EML5: variants seen among roughly 807,000 people sequenced by gnomAD.
EML5 encodes EMAP like 5, also known as echinoderm microtubule-associated protein-like 5.
Under a neutral mutation model 250.0 loss-of-function variants are expected in EML5, and 120 were observed. The observed-to-expected ratio is 0.48, with a 90% CI of 0.41 to 0.56. EML5 has a LOEUF of 0.56. EML5 is among the 20% of genes least tolerant of loss of function. The pLI is 0.00. For synonymous variants in EML5, 771 were observed against 806.5 expected (o/e 0.96, Z 0.75); for missense variants, 2,006 against 2,437.6 (o/e 0.82, Z 3.73).
In EML5 at chr14:88,643,032, T is replaced by C; in HGVS notation, c.4108-10A>G. 1 of 1,563,634 alleles carries C rather than the reference T, an allele frequency of 6.4e-7. No individual in the cohort carries two copies. Among genetic ancestry groups the C allele is most frequent in the Non-Finnish European group, 8.6e-7 (1 of 1,164,596 alleles). ...GCTCCAACACAAGGTCCTATAATGATAATAATAAAACCATTATATTCTTCC... is the reference window on the plus strand; with the variant it reads ...GCTCCAACACAAGGTCCTATAATGACAATAATAAAACCATTATATTCTTCC... On this transcript the variant is annotated splice_polypyrimidine_tract_variant and intron_variant, in intron 30 of 43. Transcript: ENST00000554922.
chr14:88,670,163 C>CA (rs1417279175), intron 21 of EML5, among the ~76,000 whole-genome samples: 2 of 148,758 alleles, frequency 1.3e-5, no homozygotes, highest in African/African-American at 2.5e-5. Flanking sequence ...AAAAAAAAAA[C>CA]AAAAAAAATT....
intron 1 of EML5, among the ~76,000 whole-genome samples, chr14:88,786,051 T>C (rs2094548219): frequency 6.6e-6 from 1 of 152,200 alleles, no homozygotes; most frequent in Admixed American, 6.5e-5. Context: ...CTAACATTCT[T>C]ACTATTCCTC....
intron 1 of EML5, among the ~76,000 whole-genome samples, chr14:88,769,305 C>T (rs1180496330): frequency 6.6e-6 from 1 of 152,030 alleles, no homozygotes; most frequent in Non-Finnish European, 1.5e-5. Context: ...CATGAGATCT[C>T]CCCACCTCGC....
intron 35 of EML5, chr14:88,625,917 C>T (rs1366134308): frequency 6.6e-6 from 1 of 152,124 alleles, no homozygotes; most frequent in Non-Finnish European, 1.5e-5. Flanking sequence ...ACAGCCTAGC[C>T]AATGCAGGAT....
At chr14:88,782,078 T>G (rs1191816586) in intron 1 of EML5, among the ~76,000 whole-genome samples, 1 of 152,230 alleles carries the variant, frequency 6.6e-6, no homozygotes, top group African/African-American at 2.4e-5. Context: ...TGGGAAAGTC[T>G]GTAAGTTCCT....
chr14:88,653,544 T>C (rs889228145), intron 27 of EML5, among the ~76,000 whole-genome samples: 114 of 152,198 alleles, frequency 7.5e-4, no homozygotes, highest in Non-Finnish European at 2.8e-4. Context: ...TCTGCATCTA[T>C]TGAGATAATC....
chr14:88,647,127 C>G (rs2091385567), intron 28 of EML5, among the ~76,000 whole-genome samples, 172 bp from the exon 29 acceptor site: 1 of 152,050 alleles, frequency 6.6e-6, no homozygotes, highest in African/African-American at 2.4e-5. Flanking sequence ...CTTTGGGAGC[C>G]CAAGGCAGGA....
chr14:88,705,142 C>T (rs1356058049), intron 12 of EML5, among the ~76,000 whole-genome samples, 164 bp from the exon 13 acceptor site: 1 of 152,032 alleles, frequency 6.6e-6, no homozygotes, highest in African/African-American at 2.4e-5. Flanking sequence ...AAAGAACAAA[C>T]AAATTCACAT....
At chr14:88,701,855 A>G (rs1314637434) in intron 14 of EML5, among the ~76,000 whole-genome samples, 1 of 152,228 alleles carries the variant, frequency 6.6e-6, no homozygotes, top group Non-Finnish European at 1.5e-5. Context: ...GGTTGAGGTG[A>G]GAATAAAATA....
At chr14:88,637,795 A>G (rs2090825799) in intron 32 of EML5, among the ~76,000 whole-genome samples, 1 of 152,170 alleles carries the variant, frequency 6.6e-6, no homozygotes, top group South Asian at 2.1e-4. Context: ...TGAAAATAAG[A>G]CTTCACTTTC....
At chr14:88,715,892 G>A (rs2093484563) in intron 8 of EML5, among the ~76,000 whole-genome samples, 2 of 152,044 alleles carry the variant, frequency 1.3e-5, no homozygotes, top group South Asian at 4.1e-4. Context: ...GACCAGTGAA[G>A]TGGAACTTTT....
intron 17 of EML5, 128 bp downstream of exon 17, chr14:88,694,179 G>A (rs1400628760): frequency 2.0e-5 from 13 of 645,380 alleles, no homozygotes; most frequent in Admixed American, 6.2e-5. Context: ...GATTTCATCA[G>A]TTTTTCTCCT....
At chr14:88,655,609 A>C (rs1385577954) in intron 27 of EML5, among the ~76,000 whole-genome samples, 1 of 152,224 alleles carries the variant, frequency 6.6e-6, no homozygotes. Flanking sequence ...TTGCAACAAA[A>C]GCAAAAATTG....
chr14:88,727,996 T>C (rs1256762249), intron 7 of EML5, among the ~76,000 whole-genome samples: 1 of 152,210 alleles, frequency 6.6e-6, no homozygotes, highest in African/African-American at 2.4e-5. Flanking sequence ...TTGTTACTAT[T>C]TTGAAGTAAG....
At chr14:88,649,345 G>A (rs967591027) in intron 28 of EML5, among the ~76,000 whole-genome samples, 33 of 152,164 alleles carry the variant, frequency 2.2e-4, no homozygotes, top group Middle Eastern at 3.4e-3. Context: ...CTGAGCCACC[G>A]TGCCCAGCCA....
chr14:88,621,976 TTCC>T, intron 37 of EML5: 1 of 429,808 alleles, frequency 2.3e-6, no homozygotes, highest in Non-Finnish European at 4.7e-6. Flanking sequence ...AAACATACTA[TTCC>T]TATCTGGCTG....
At chr14:88,642,213 T>A (rs1202337421) in intron 31 of EML5, among the ~76,000 whole-genome samples, 3 of 152,198 alleles carry the variant, frequency 2.0e-5, no homozygotes, top group Admixed American at 2.0e-4. Flanking sequence ...ACTTTCAGAC[T>A]TTTATGAAGT....
In EML5 at chr14:88,712,343, T is replaced by C. The variant is rs780727465; in HGVS notation, c.1585A>G (p.Ile529Val). ...NDINSVDGNY[I>V]GQVLVTADDY... is the part of the protein sequence containing the mutation. ...TCAGCTGTAACTAAAACTTGGCCAA[T>C]ATAATTTCCATCTACTGAATTTATA... is the stretch of plus-strand genomic sequence containing the variant. The change falls in exon 10 of 44, where the codon ATT (isoleucine) becomes GTT (valine). Residue 529 changes from isoleucine to valine, a missense_variant. By Grantham distance (29) the Ile-to-Val change is conservative. Around this residue, in one of 7 missense-constraint regions of EML5, gnomAD observed 1,375 missense variants for 1,590.3 expected, o/e 0.86. Coordinates refer to ENST00000554922, the MANE Select transcript of EML5 (RefSeq NM_183387.3). The C allele has an allele frequency of 2.5e-5, 41 of 1,610,414 alleles. No individual in the cohort carries two copies. The highest frequency in any genetic ancestry group is 3.3e-5 in the Non-Finnish European group (39 of 1,177,018).
chr14:88,693,465 A>C (rs1009498150), intron 17 of EML5, among the ~76,000 whole-genome samples: 1 of 152,216 alleles, frequency 6.6e-6, no homozygotes, highest in African/African-American at 2.4e-5. Context: ...CCACAAGAAC[A>C]GTATGGCGAA....
Sources: gnomAD v4.1 joint callset for allele counts (sites outside exome capture counted in the v4.1 genomes callset) on GRCh38, gnomAD v4.1.1 for gene constraint, gnomAD v4.1.1 regional missense constraint, MANE v1.5 for transcripts, NCBI Gene and HGNC (gene_info 2026-07-23, HGNC 2026-07-21) for gene names.